Variants in PRKCB observed in about 807,000 individuals in gnomAD.
PRKCB encodes the protein protein kinase C beta type.
PRKCB carries 13 observed loss-of-function variants against 81.5 expected under a neutral mutation model. The observed-to-expected ratio is 0.16, with a 90% CI of 0.10 to 0.25. The LOEUF is 0.25. Among genes scored for constraint, PRKCB ranks in the 10% least tolerant of loss-of-function variants. The pLI, the probability that PRKCB is intolerant of heterozygous loss-of-function variation, is 1.00. For synonymous variants in PRKCB, 335 were observed against 321.4 expected (o/e 1.04, Z -0.45); for missense variants, 509 against 875.7 (o/e 0.58, Z 5.29).
At chr16:23,836,603 C>T (rs1184933287) in intron 1 of PRKCB, among the ~76,000 whole-genome samples, 1 of 152,056 alleles carries the variant, frequency 6.6e-6, no homozygotes, top group South Asian at 2.1e-4. Flanking sequence ...GCCTCTAGAG[C>T]GCCCAGGGGC....
intron 7 of PRKCB, among the ~76,000 whole-genome samples, chr16:24,103,492 T>C (rs1490710993): frequency 6.6e-6 from 1 of 152,216 alleles, no homozygotes; most frequent in Non-Finnish European, 1.5e-5. Context: ...TCTGTGGACT[T>C]GCAAGAAAAA....
At chr16:24,124,068 C>CCA in intron 9 of PRKCB, 87 bp downstream of exon 9, 2 of 1,466,082 alleles carry the variant, frequency 1.4e-6, no homozygotes, top group Non-Finnish European at 1.9e-6. Flanking sequence ...GACGGACGTC[C>CCA]TAGTGGGAGA....
At chr16:23,952,407 G>C (rs1029785202) in intron 2 of PRKCB, among the ~76,000 whole-genome samples, 1 of 152,182 alleles carries the variant, frequency 6.6e-6, no homozygotes, top group African/African-American at 2.4e-5. Context: ...TGTGAACAAG[G>C]CTTTAAAAAA....
intron 2 of PRKCB, among the ~76,000 whole-genome samples, chr16:23,848,988 C>T (rs1962425446): frequency 6.6e-6 from 1 of 152,210 alleles, no homozygotes; most frequent in Non-Finnish European, 1.5e-5. Context: ...GATGTGCTTA[C>T]ATGTCGTGGT....
At position 24,191,108 on chromosome 16, in the gene PRKCB, G is replaced by A. The variant is rs1312216413; in HGVS notation, c.1741G>A (p.Gly581Ser). 1 of 1,613,800 alleles carries A rather than the reference G, an allele frequency of 6.2e-7. No homozygotes were observed. Among genetic ancestry groups the A allele is most frequent in the Non-Finnish European group, 8.5e-7 (1 of 1,179,918 alleles). Reference protein sequence around the residue: ...ICKGLMTKHPGKRLGCGPEGE... With the variant: ...ICKGLMTKHPSKRLGCGPEGE... ...CTCGAAGCTGATGACCAAACACCCA[G>A]GCAAACGTCTGGGTTGTGGACCTGA... The change falls in exon 16 of 17, where the codon GGC becomes AGC. Residue 581 changes from glycine (G) to serine (S), a missense_variant. Coordinates refer to ENST00000643927, the MANE Select transcript of PRKCB (RefSeq NM_002738.7).
At chr16:23,881,116 G>T (rs1416110312) in intron 2 of PRKCB, among the ~76,000 whole-genome samples, 1 of 152,100 alleles carries the variant, frequency 6.6e-6, no homozygotes, top group Non-Finnish European at 1.5e-5. Context: ...GGGAATGTTT[G>T]CCTCTCCTCT....
At chr16:23,981,303 G>A (rs867078059) in intron 2 of PRKCB, among the ~76,000 whole-genome samples, 1 of 151,634 alleles carries the variant, frequency 6.6e-6, no homozygotes, top group Non-Finnish European at 1.5e-5. Flanking sequence ...CCATCATCAC[G>A]TCTCATCCTC....
intron 9 of PRKCB, among the ~76,000 whole-genome samples, chr16:24,130,610 T>G (rs1300347187): frequency 6.6e-6 from 1 of 152,148 alleles, no homozygotes; most frequent in Non-Finnish European, 1.5e-5. Flanking sequence ...TTCATTAAAC[T>G]TCTAAGTTTA....
chr16:24,150,627 T>G (rs1343163998), intron 9 of PRKCB, among the ~76,000 whole-genome samples: 1 of 152,224 alleles, frequency 6.6e-6, no homozygotes, highest in Non-Finnish European at 1.5e-5. Context: ...ATCATGTGGT[T>G]ACTCTTATTT....
At chr16:24,091,320 C>T (rs2141899700) in intron 5 of PRKCB, among the ~76,000 whole-genome samples, 1 of 152,274 alleles carries the variant, frequency 6.6e-6, no homozygotes, top group African/African-American at 2.4e-5. Flanking sequence ...TCTTTGCATT[C>T]CTGATAGGAG....
chr16:24,006,304 G>A (rs972381344), intron 3 of PRKCB, among the ~76,000 whole-genome samples: 2 of 152,200 alleles, frequency 1.3e-5, no homozygotes, highest in African/African-American at 2.4e-5. Flanking sequence ...TGTCCAAAGA[G>A]CTCTTGTACA....
intron 16 of PRKCB, among the ~76,000 whole-genome samples, chr16:24,202,082 G>T (rs1230220601): frequency 6.6e-6 from 1 of 151,728 alleles, no homozygotes; most frequent in Non-Finnish European, 1.5e-5. Context: ...ACTGTCACTA[G>T]AAGAAAAGAC....
At chr16:24,070,140 CCAGGGGATTTTTTTTT>C (rs1036835747) in intron 5 of PRKCB, among the ~76,000 whole-genome samples, 12 of 150,272 alleles carry the variant, frequency 8.0e-5, no homozygotes, top group Non-Finnish European at 1.8e-4. Context: ...TTGCAGGAAA[CCAGGGGATTTTTTTTT>C]TTTTTTTTTT....
intron 2 of PRKCB, among the ~76,000 whole-genome samples, chr16:23,891,798 A>C (rs1963299233): frequency 6.6e-6 from 1 of 152,216 alleles, no homozygotes; most frequent in African/African-American, 2.4e-5. Context: ...CCACTTGTGA[A>C]AGATAATGTG....
rs71154259 is a variant in PRKCB, at chr16:23,915,689, C to CAAAA, written c.206-72799_206-72796dup. Among the ~76,000 whole-genome samples, 159 of 54,510 alleles carry CAAAA rather than the reference C, an allele frequency of 2.9e-3. 16 individuals are homozygous for CAAAA. Among genetic ancestry groups the CAAAA allele is most frequent in the South Asian group, 5.1e-3 (4 of 780 alleles). 35.8% of individuals were successfully genotyped at this position (54,510 alleles called of 152,430 possible). ...CCTGGGCAAGAGTGAGACTCTCTAT[C>CAAAA]AAAAAAAAAAAAAAAAAAAAAAAGC... On this transcript the variant is annotated intron_variant, in intron 2 of 16. Transcript: ENST00000643927.
intron 2 of PRKCB, among the ~76,000 whole-genome samples, chr16:23,906,038 C>T (rs753226060): frequency 2.0e-5 from 3 of 152,028 alleles, no homozygotes; most frequent in Non-Finnish European, 2.9e-5. Flanking sequence ...ATATGTTTAC[C>T]TCTGTGGGTT....
intron 2 of PRKCB, among the ~76,000 whole-genome samples, chr16:23,930,587 C>T (rs1963958785): frequency 2.0e-5 from 3 of 151,900 alleles, no homozygotes; most frequent in Non-Finnish European, 4.4e-5. Context: ...TATGAAGTTG[C>T]TCTTTTGAAG....
intron 2 of PRKCB, among the ~76,000 whole-genome samples, chr16:23,925,421 CCCT>C (rs1229926735): frequency 1.3e-5 from 2 of 151,996 alleles, no homozygotes; most frequent in East Asian, 3.9e-4. Context: ...CTGGACGTGA[CCCT>C]CCTCTCGTTA....
intron 2 of PRKCB, among the ~76,000 whole-genome samples, chr16:23,971,690 G>A (rs1285578374): frequency 6.6e-6 from 1 of 152,116 alleles, no homozygotes; most frequent in Non-Finnish European, 1.5e-5. Context: ...ACTTGCCCCT[G>A]TTACGTCATT....
Sources: allele counts gnomAD v4.1 joint callset (sites outside exome capture counted in the v4.1 genomes callset), GRCh38; gene constraint gnomAD v4.1.1; transcripts MANE v1.5; gene names NCBI Gene and HGNC (gene_info 2026-07-23, HGNC 2026-07-21).